KCNK13: variants seen among roughly 807,000 people sequenced by gnomAD.
KCNK13 encodes the protein potassium channel subfamily K member 13.
A neutral mutation model predicts 23.4 loss-of-function variants in KCNK13; 12 were observed. The ratio of observed to expected loss-of-function variants is 0.51; its 90% CI spans 0.33 to 0.83. The LOEUF (loss-of-function observed/expected upper bound fraction) is 0.83, where lower values mean the gene tolerates loss of function less well. Among genes scored for constraint, KCNK13 ranks in the 40% least tolerant of loss-of-function variants. KCNK13 has a pLI of 0.02. For synonymous variants in KCNK13, 231 were observed against 229.5 expected (o/e 1.01, Z -0.06); for missense variants, 463 against 556.3 (o/e 0.83, Z 1.69).
intron 1 of KCNK13, among the ~76,000 whole-genome samples, chr14:90,124,735 C>T (rs1200373262): frequency 1.3e-5 from 2 of 152,266 alleles, no homozygotes; most frequent in Non-Finnish European, 1.5e-5. Flanking sequence ...CCAGGTCAGA[C>T]TTCTGACCTG....
At chr14:90,170,037 G>C (rs1483202992) in intron 1 of KCNK13, among the ~76,000 whole-genome samples, 1 of 152,070 alleles carries the variant, frequency 6.6e-6, no homozygotes, top group Non-Finnish European at 1.5e-5. Flanking sequence ...TTAGGAGCCT[G>C]CTGGCCCACT....
intron 1 of KCNK13, among the ~76,000 whole-genome samples, chr14:90,093,215 C>T (rs17126549): frequency 2.6e-5 from 4 of 151,986 alleles, no homozygotes; most frequent in Admixed American, 6.6e-5. Context: ...GAGGCAGATC[C>T]GCTTGGCTCC....
At chr14:90,081,239 T>C (rs1409369674) in intron 1 of KCNK13, among the ~76,000 whole-genome samples, 2 of 152,226 alleles carry the variant, frequency 1.3e-5, no homozygotes, top group African/African-American at 4.8e-5. Context: ...CTCCCCAAAC[T>C]TTAACTTCAA....
chr14:90,174,286 G>T (rs1160463685), intron 1 of KCNK13, among the ~76,000 whole-genome samples: 1 of 152,020 alleles, frequency 6.6e-6, no homozygotes, highest in South Asian at 2.1e-4. Context: ...CCCCAGCCTG[G>T]GCAACAAGAG....
At chr14:90,164,107 C>T (rs1179603557) in intron 1 of KCNK13, among the ~76,000 whole-genome samples, 1 of 152,302 alleles carries the variant, frequency 6.6e-6, no homozygotes, top group East Asian at 1.9e-4. Flanking sequence ...AAAATAAATC[C>T]TAATGAATCA....
At chr14:90,075,705 T>C (rs1400687950) in intron 1 of KCNK13, among the ~76,000 whole-genome samples, 4 of 152,188 alleles carry the variant, frequency 2.6e-5, no homozygotes, top group Admixed American at 2.0e-4. Context: ...GGTCTTGAAC[T>C]CCTGACCTCA....
Position 90,184,430 on chromosome 14 carries a change from C to T in KCNK13, c.654C>T (p.Pro218=). 3.1e-6 allele frequency: 5 copies of T among 1,614,246 alleles called. No homozygotes were observed. Among genetic ancestry groups the T allele is most frequent in the Non-Finnish European group, 4.2e-6 (5 of 1,180,050 alleles). The change falls in exon 2 of 2, where the codon CCC becomes CCT. Residue 218 remains proline (P), a synonymous_variant. Coordinates refer to ENST00000282146, the MANE Select transcript of KCNK13 (RefSeq NM_022054.4). This position sits in a 1 kb window ranked among gnomAD's most constrained non-coding sequence, Gnocchi z 5.6. Reference sequence around the variant, plus strand: ...GCTGCGCCTCAGCCATGTACACCCCCATTGAAGGCTGGAGCTACTTTGACT... The same window carrying T: ...GCTGCGCCTCAGCCATGTACACCCCTATTGAAGGCTGGAGCTACTTTGACT... ...ISCCASAMYT[P]IEGWSYFDSL...
chr14:90,081,313 G>A (rs189905021), intron 1 of KCNK13, among the ~76,000 whole-genome samples: 7 of 152,250 alleles, frequency 4.6e-5, no homozygotes, highest in African/African-American at 1.7e-4. Context: ...TTCTTAATAT[G>A]TATGCATTTG....
chr14:90,126,242 C>T (rs893624320), intron 1 of KCNK13, among the ~76,000 whole-genome samples: 5 of 151,988 alleles, frequency 3.3e-5, no homozygotes, highest in African/African-American at 1.2e-4. Context: ...AGGAAGTGGG[C>T]CATGAACTCC....
At chr14:90,123,909 C>T (rs1889767311) in intron 1 of KCNK13, among the ~76,000 whole-genome samples, 1 of 152,118 alleles carries the variant, frequency 6.6e-6, no homozygotes, top group African/African-American at 2.4e-5. Context: ...ATCACCTGGG[C>T]GGTTTTTAAC....
chr14:90,127,145 A>G (rs1191270449), intron 1 of KCNK13, among the ~76,000 whole-genome samples: 1 of 152,208 alleles, frequency 6.6e-6, no homozygotes, highest in African/African-American at 2.4e-5. Context: ...GATGTTAATA[A>G]CAGGGCAAAC....
At chr14:90,139,885 C>T (rs1889983835) in intron 1 of KCNK13, among the ~76,000 whole-genome samples, 1 of 152,182 alleles carries the variant, frequency 6.6e-6, no homozygotes. Context: ...TCGCTTGAAC[C>T]TGGGAGCTGG....
At chr14:90,096,449 G>A (rs1249202374) in intron 1 of KCNK13, among the ~76,000 whole-genome samples, 1 of 152,172 alleles carries the variant, frequency 6.6e-6, no homozygotes, top group Non-Finnish European at 1.5e-5. Flanking sequence ...CAATATCACA[G>A]GTGGTGAGAT....
At chr14:90,130,683 G>A (rs1324410282) in intron 1 of KCNK13, among the ~76,000 whole-genome samples, 3 of 151,900 alleles carry the variant, frequency 2.0e-5, no homozygotes, top group East Asian at 2.0e-4. Flanking sequence ...GTGTGGTGGC[G>A]GGCATCTGTA....
At chr14:90,141,439 C>T (rs1219861632) in intron 1 of KCNK13, among the ~76,000 whole-genome samples, 1 of 152,134 alleles carries the variant, frequency 6.6e-6, no homozygotes, top group Admixed American at 6.5e-5. Context: ...TCCTTATGCC[C>T]TCTTGGGTTT....
chr14:90,160,765 C>A (rs1596805221), intron 1 of KCNK13, among the ~76,000 whole-genome samples: 1 of 151,342 alleles, frequency 6.6e-6, no homozygotes, highest in East Asian at 1.9e-4. Flanking sequence ...ATCGCTTGAA[C>A]CTGGGAGGTG....
intron 1 of KCNK13, among the ~76,000 whole-genome samples, chr14:90,168,301 G>A (rs759955760): frequency 6.6e-6 from 1 of 152,068 alleles, no homozygotes; most frequent in African/African-American, 2.4e-5. Flanking sequence ...TGCCCAGGAG[G>A]TTGAGGCTGC....
chr14:90,075,557 C>A (rs1234536222), intron 1 of KCNK13, among the ~76,000 whole-genome samples: 2 of 152,190 alleles, frequency 1.3e-5, no homozygotes, highest in African/African-American at 2.4e-5. Flanking sequence ...CGGCTCACTG[C>A]AATCTCCACC....
intron 1 of KCNK13, among the ~76,000 whole-genome samples, chr14:90,132,424 A>G (rs1889885110): frequency 6.6e-6 from 1 of 152,062 alleles, no homozygotes; most frequent in African/African-American, 2.4e-5. Flanking sequence ...TATGCCTGTA[A>G]TCCCAGCTAC....
Sources: gnomAD v4.1 joint callset for allele counts (sites outside exome capture counted in the v4.1 genomes callset) on GRCh38, gnomAD v4.1.1 for gene constraint, Gnocchi (gnomAD v3.1) non-coding constraint, MANE v1.5 for transcripts, NCBI Gene and HGNC (gene_info 2026-07-23, HGNC 2026-07-21) for gene names.